ATXN7: variants seen among roughly 807,000 people sequenced by gnomAD.
ATXN7 encodes ataxin 7.
In ATXN7, 12 loss-of-function variants were observed where a neutral mutation model predicts 70.5. That is an observed-to-expected ratio of 0.17 (90% CI 0.11 to 0.28). ATXN7 has a LOEUF of 0.28. Among genes scored for constraint, ATXN7 ranks in the 10% least tolerant of loss-of-function variants. ATXN7 has a pLI of 1.00. For missense variants in ATXN7, 1,256 were observed against 1,131.7 expected, an observed-to-expected ratio of 1.11 and a Z score of -1.58; for synonymous variants, 498 against 448.7, an observed-to-expected ratio of 1.11 and a Z score of -1.39.
intron 5 of ATXN7, among the ~76,000 whole-genome samples, chr3:63,967,367 G>C (rs1452594942): frequency 1.3e-5 from 2 of 152,178 alleles, no homozygotes; most frequent in Non-Finnish European, 2.9e-5. Context: ...GGAAGGAAAA[G>C]TATGCTTAGG....
chr3:63,892,273 C>T (rs1703291344), intron 1 of ATXN7, among the ~76,000 whole-genome samples: 2 of 151,904 alleles, frequency 1.3e-5, no homozygotes. Flanking sequence ...AACCCCAGGC[C>T]AGTCATAGGA....
chr3:63,962,094 A>AT (rs2075142049), intron 5 of ATXN7, among the ~76,000 whole-genome samples: 1 of 152,198 alleles, frequency 6.6e-6, no homozygotes, highest in Non-Finnish European at 1.5e-5. Flanking sequence ...GTCCAAGTCC[A>AT]TAAAACAGAC....
In ATXN7 at chr3:63,912,778, G is replaced by T. The variant is rs1704097156; in HGVS notation, c.180G>T (p.Pro60=). The change falls in exon 3 of 13, where the codon CCG becomes CCT. Residue 60 remains proline (P), a synonymous_variant. Coordinates refer to ENST00000674280, the MANE Select transcript of ATXN7 (RefSeq NM_001377405.1). ...CACCGCCGCCACGGCGCACACGGCC[G>T]GAGGACGGCGGGCCCGGCGCCGCCT... The part of the protein sequence containing the change: ...HPPPPPRRTR[P]EDGGPGAAST... 6.7e-7 allele frequency: 1 copy of T among 1,502,528 alleles called. No individual in the cohort carries two copies. Among genetic ancestry groups the T allele is most frequent in the Admixed American group, 2.3e-5 (1 of 42,682 alleles). 93.1% of individuals were successfully genotyped at this position (1,502,528 alleles called of 1,614,324 possible).
At chr3:63,973,630 G>C (rs188739991) in intron 5 of ATXN7, among the ~76,000 whole-genome samples, 1 of 152,144 alleles carries the variant, frequency 6.6e-6, no homozygotes, top group Non-Finnish European at 1.5e-5. Context: ...CTGTGTTAAG[G>C]TTGTACCTGC....
intron 4 of ATXN7, among the ~76,000 whole-genome samples, chr3:63,936,512 T>C (rs745661862): frequency 3.3e-5 from 5 of 152,158 alleles, no homozygotes; most frequent in Non-Finnish European, 5.9e-5. Flanking sequence ...ATGACCTCAG[T>C]TATATGTTAG....
chr3:63,971,834 C>A (rs1041665988), intron 5 of ATXN7, among the ~76,000 whole-genome samples: 11 of 152,032 alleles, frequency 7.2e-5, no homozygotes, highest in African/African-American at 2.7e-4. Context: ...GAAAAGGATC[C>A]AAAATATGGT....
At chr3:63,914,451 C>T (rs1039813949) in intron 4 of ATXN7, among the ~76,000 whole-genome samples, 8 of 152,094 alleles carry the variant, frequency 5.3e-5, no homozygotes, top group African/African-American at 1.9e-4. Context: ...TAAAGGAAAG[C>T]AAGGGAAAGC....
chr3:63,941,800 G>A (rs570974232), intron 4 of ATXN7, among the ~76,000 whole-genome samples: 1 of 152,116 alleles, frequency 6.6e-6, no homozygotes, highest in African/African-American at 2.4e-5. Flanking sequence ...GAATCTGGGA[G>A]TTGTGCTTAT....
chr3:63,935,463 T>C (rs891160150), intron 4 of ATXN7, among the ~76,000 whole-genome samples: 1 of 152,158 alleles, frequency 6.6e-6, no homozygotes, highest in Non-Finnish European at 1.5e-5. Context: ...CCCAAAGCTA[T>C]TCACACACAC....
rs2075812481 is a variant in ATXN7, at chr3:63,999,550, A to G, written c.*83A>G. ...TCCACTCAGCACTCTGGACTCCACG[A>G]TGCCTTTGAGTCTGTTTTCCCAACC... On this transcript the variant is annotated 3_prime_UTR_variant, in exon 13 of 13. Coordinates refer to ENST00000674280, the MANE Select transcript of ATXN7 (RefSeq NM_001377405.1). 14 of 1,590,914 alleles carry G rather than the reference A, an allele frequency of 8.8e-6. No individual in the cohort carries two copies. The highest frequency in any genetic ancestry group is 1.3e-5 in the African/African-American group (1 of 74,508).
intron 1 of ATXN7, among the ~76,000 whole-genome samples, chr3:63,867,724 C>T (rs1395936614): frequency 6.6e-6 from 1 of 151,726 alleles, no homozygotes; most frequent in African/African-American, 2.4e-5. Context: ...CCCATCTCTA[C>T]CAAAAATACA....
rs77739311 is a variant in ATXN7, at chr3:63,950,576, G to A, written c.395-1803G>A. On this transcript the variant is annotated intron_variant, in intron 4 of 12. Transcript: ENST00000674280. ...GTTCTGTAATTTAGATGTATCAGAG[G>A]CATTTAGCACAGAAGCATATGGAAC... Among the ~76,000 whole-genome samples the A allele has an allele frequency of 2.6e-5, 4 of 152,232 alleles. No homozygotes were observed. The East Asian group carries it at 7.7e-4, about 29-fold the overall frequency.
At chr3:63,941,884 C>T (rs974880135) in intron 4 of ATXN7, among the ~76,000 whole-genome samples, 2 of 152,144 alleles carry the variant, frequency 1.3e-5, no homozygotes, top group African/African-American at 4.8e-5. Context: ...CAATTTAAAA[C>T]TTTAAAAATA....
chr3:63,885,979 T>C (rs1192066783), intron 1 of ATXN7, among the ~76,000 whole-genome samples: 2 of 152,162 alleles, frequency 1.3e-5, no homozygotes, highest in Non-Finnish European at 2.9e-5. Context: ...ATCACGCCAC[T>C]ATACTCCAGA....
intron 9 of ATXN7, among the ~76,000 whole-genome samples, chr3:63,989,262 G>A (rs2075627997): frequency 6.6e-6 from 1 of 152,148 alleles, no homozygotes; most frequent in Non-Finnish European, 1.5e-5. Flanking sequence ...TCCTTTCTTT[G>A]GTCATCTTCT....
intron 4 of ATXN7, among the ~76,000 whole-genome samples, chr3:63,915,656 T>G (rs1319770643): frequency 1.3e-5 from 2 of 152,106 alleles, no homozygotes; most frequent in East Asian, 3.9e-4. Context: ...TGTGAGTGAA[T>G]CACTGGAAGT....
chr3:63,880,700 T>A (rs887552118), intron 1 of ATXN7, among the ~76,000 whole-genome samples: 2 of 152,224 alleles, frequency 1.3e-5, no homozygotes, highest in Admixed American at 6.5e-5. Flanking sequence ...AAATGCCACC[T>A]CTTCACAGAA....
At chr3:63,898,579 G>C (rs1703516634) in intron 2 of ATXN7, 82 bp downstream of exon 2, 1 of 152,172 alleles carries the variant, frequency 6.6e-6, no homozygotes, top group Non-Finnish European at 1.5e-5. Flanking sequence ...TTTTACCAAA[G>C]GATGATAGTT....
intron 1 of ATXN7, among the ~76,000 whole-genome samples, chr3:63,883,270 A>G (rs1250603739): frequency 2.0e-5 from 3 of 152,214 alleles, no homozygotes; most frequent in Admixed American, 6.5e-5. Flanking sequence ...AAAAAGATAG[A>G]GAAAAGCAGT....
Sources: allele counts gnomAD v4.1 joint callset (sites outside exome capture counted in the v4.1 genomes callset), GRCh38; gene constraint gnomAD v4.1.1; transcripts MANE v1.5; gene names NCBI Gene and HGNC (gene_info 2026-07-23, HGNC 2026-07-21).